Variants in RPH3AL observed in about 807,000 individuals in gnomAD.
RPH3AL encodes rabphilin 3A like (without C2 domains), also known as rab effector Noc2.
Under a neutral mutation model 43.1 loss-of-function variants are expected in RPH3AL, and 38 were observed. That is an observed-to-expected ratio of 0.88 (90% confidence interval 0.68 to 1.15). The LOEUF (loss-of-function observed/expected upper bound fraction) is 1.15. RPH3AL is among the 50% of genes most tolerant of loss of function. RPH3AL has a pLI of 0.00. For missense variants in RPH3AL, 462 were observed against 423.2 expected (o/e 1.09, Z -0.81); for synonymous variants, 189 against 176.3 (o/e 1.07, Z -0.57).
intron 7 of RPH3AL, among the ~76,000 whole-genome samples, chr17:229,730 C>T (rs542445334): frequency 1.3e-5 from 2 of 152,016 alleles, no homozygotes; most frequent in East Asian, 1.9e-4. Flanking sequence ...CCGGTTCACA[C>T]AGCCTGCTCT....
intron 5 of RPH3AL, among the ~76,000 whole-genome samples, chr17:299,209 G>A (rs1422624821): frequency 6.6e-6 from 1 of 152,164 alleles, no homozygotes; most frequent in Non-Finnish European, 1.5e-5. Flanking sequence ...CCTCCCCTGG[G>A]TTGGCAACCC....
rs779456707 is a variant in RPH3AL, at chr17:323,913, G to A, written c.78-2498C>T. Among the ~76,000 whole-genome samples the A allele has an allele frequency of 6.8e-6, 1 of 147,092 alleles. No individual in the cohort carries two copies. Among genetic ancestry groups the A allele is most frequent in the Non-Finnish European group, 1.5e-5 (1 of 66,864 alleles). On this transcript the variant is annotated intron_variant, in intron 3 of 9. Coordinates refer to ENST00000331302, the MANE Select transcript of RPH3AL (RefSeq NM_006987.4). This position sits in a 1 kb window ranked among gnomAD's most constrained non-coding sequence, Gnocchi z 4.4. The stretch of plus-strand genomic sequence containing the variant: ...CAGGCCCAGACCCTTACAGTCACCC[G>A]GTGAGGTGGGCCCAGACCCTCAGTC...
chr17:289,091 G>C lies in RPH3AL; in HGVS notation c.352-7237C>G, dbSNP rs2042987652. On this transcript the variant is annotated intron_variant, in intron 5 of 9. Transcript: ENST00000331302. The surrounding 1 kb of genome is among the most constrained non-coding windows in gnomAD (Gnocchi z 5.2). ...AGGCTTTGGGGCAGGAGAGAGCAGG[G>C]TGTGCCGTTTAGAGGTGAACTTGGA... Among the ~76,000 whole-genome samples, 1 of 152,156 alleles carries C rather than the reference G, an allele frequency of 6.6e-6. No individual in the cohort carries two copies. The highest frequency in any genetic ancestry group is 2.4e-5 in the African/African-American group (1 of 41,456).
intron 7 of RPH3AL, among the ~76,000 whole-genome samples, chr17:238,273 A>G (rs1421991785): frequency 6.6e-6 from 1 of 151,634 alleles, no homozygotes; most frequent in Non-Finnish European, 1.5e-5. Context: ...AGAGAAAAAG[A>G]GAGAGAGAGA....
intron 7 of RPH3AL, among the ~76,000 whole-genome samples, chr17:229,756 G>A (rs771933599): frequency 6.6e-5 from 10 of 152,054 alleles, no homozygotes; most frequent in Non-Finnish European, 1.0e-4. Context: ...ACCCACCTCC[G>A]GGCCAGGGTG....
chr17:226,543 T>G (rs2041111105), intron 7 of RPH3AL, among the ~76,000 whole-genome samples: 1 of 152,174 alleles, frequency 6.6e-6, no homozygotes, highest in East Asian at 1.9e-4. Context: ...AAGTCAGCAG[T>G]GCCCGCACCA....
At chr17:312,776 T>TA (rs2043676147) in intron 5 of RPH3AL, among the ~76,000 whole-genome samples, 2 of 152,228 alleles carry the variant, frequency 1.3e-5, no homozygotes, top group Non-Finnish European at 2.9e-5. Flanking sequence ...CCAGAGAGGT[T>TA]AAGTGACTTG....
At chr17:314,698 C>A (rs2043837527) in intron 5 of RPH3AL, among the ~76,000 whole-genome samples, 4 of 138,878 alleles carry the variant, frequency 2.9e-5, no homozygotes, top group Middle Eastern at 5.1e-3. Context: ...CTCCATTGAC[C>A]TGTAGTCTCT....
intron 5 of RPH3AL, among the ~76,000 whole-genome samples, chr17:305,298 C>T (rs1055616082): frequency 1.3e-5 from 2 of 151,876 alleles, no homozygotes; most frequent in Non-Finnish European, 2.9e-5. Context: ...GAGGCAACGT[C>T]GAGATGGCGC....
intron 8 of RPH3AL, 64 bp downstream of exon 8, chr17:219,559 C>G (rs2040903180): frequency 5.8e-6 from 2 of 346,576 alleles, no homozygotes; most frequent in Non-Finnish European, 1.0e-5. Flanking sequence ...GAGTTTCGCT[C>G]CTGTTGCCCA....
chr17:309,549 G>A (rs1314187598), intron 5 of RPH3AL, among the ~76,000 whole-genome samples: 1 of 149,072 alleles, frequency 6.7e-6, no homozygotes. Flanking sequence ...CCCTGCTGGG[G>A]GTCCGGGATA....
chr17:350,989 T>C (rs920816855), intron 1 of RPH3AL, among the ~76,000 whole-genome samples: 4 of 152,036 alleles, frequency 2.6e-5, no homozygotes, highest in Admixed American at 2.6e-4. Flanking sequence ...ACTGAGTAGC[T>C]CTTAGCATCT....
chr17:282,633 T>C (rs928067432), intron 5 of RPH3AL, among the ~76,000 whole-genome samples: 1 of 152,206 alleles, frequency 6.6e-6, no homozygotes, highest in Non-Finnish European at 1.5e-5. Flanking sequence ...CAATTACTGT[T>C]GCTTAAAAAC....
intron 1 of RPH3AL, among the ~76,000 whole-genome samples, chr17:340,268 C>T (rs1251168488): frequency 2.0e-5 from 3 of 152,064 alleles, no homozygotes; most frequent in Non-Finnish European, 2.9e-5. Flanking sequence ...TGGCCATCCA[C>T]AGACTCCACC....
chr17:316,398 T>C (rs1238601236), intron 5 of RPH3AL, among the ~76,000 whole-genome samples: 2 of 147,516 alleles, frequency 1.4e-5, no homozygotes, highest in African/African-American at 2.6e-5. Flanking sequence ...CCCACCTCCA[T>C]TGTCCTGTAG....
At chr17:260,485 C>T (rs560273458) in intron 6 of RPH3AL, among the ~76,000 whole-genome samples, 3 of 152,200 alleles carry the variant, frequency 2.0e-5, no homozygotes, top group Non-Finnish European at 4.4e-5. Flanking sequence ...AAAGCAGAGG[C>T]ACTGTCTCCA....
intron 7 of RPH3AL, among the ~76,000 whole-genome samples, chr17:240,974 T>G (rs917593672): frequency 4.0e-5 from 6 of 151,758 alleles, no homozygotes; most frequent in African/African-American, 1.2e-4. Flanking sequence ...GGAGAATTGC[T>G]TGAACCCAGG....
At chr17:276,891 G>A (rs2042668487) in intron 6 of RPH3AL, among the ~76,000 whole-genome samples, 1 of 152,084 alleles carries the variant, frequency 6.6e-6, no homozygotes, top group Admixed American at 6.5e-5. Context: ...AGGATTAATT[G>A]CATTATCTGT....
At chr17:238,179 G>GAAAGAAAGGAAGGA (rs1483031908) in intron 7 of RPH3AL, among the ~76,000 whole-genome samples, 3 of 149,978 alleles carry the variant, frequency 2.0e-5, no homozygotes. Context: ...AAGAGAGAGA[G>GAAAGAAAGGAAGGA]AGAGAAAGAA....
Sources: allele counts gnomAD v4.1 joint callset (sites outside exome capture counted in the v4.1 genomes callset), GRCh38; gene constraint gnomAD v4.1.1; non-coding constraint Gnocchi (gnomAD v3.1); transcripts MANE v1.5; gene names NCBI Gene and HGNC (gene_info 2026-07-23, HGNC 2026-07-21).